The following PGA4 variants were observed in gnomAD, a reference collection of about 807,000 sequenced individuals.
PGA4 encodes pepsinogen A4.
For synonymous variants in PGA4, 4 were observed against 8.7 expected (o/e 0.46, Z 0.95); for missense variants, 7 against 20.3 (o/e 0.35, Z 1.26).
intron 6 of PGA4, 110 bp from the exon 7 acceptor site, chr11:61,229,807 GCA>G: frequency 8.8e-5 from 1 of 11,322 alleles, no homozygotes; most frequent in South Asian, 9.8e-4. Context: ...GAAATTTCAC[GCA>G]TTGGCCAATG....
At chr11:61,230,959 T>G (rs1245110536) in intron 8 of PGA4, 1 of 171,264 alleles carries the variant, frequency 5.8e-6, no homozygotes, top group Middle Eastern at 2.3e-3. Context: ...GCTCCCCAGG[T>G]GATGTGCAGA....
intron 8 of PGA4, 154 bp downstream of exon 8, chr11:61,230,418 A>G: frequency 3.6e-6 from 1 of 278,302 alleles, no homozygotes; most frequent in Non-Finnish European, 5.7e-6. Context: ...GAAAAAGAAT[A>G]TATTAAAAAC....
At chr11:61,230,449 G>A (rs1854003422) in intron 8 of PGA4, 185 bp downstream of exon 8, 10 of 319,964 alleles carry the variant, frequency 3.1e-5, no homozygotes, top group South Asian at 2.4e-4. Flanking sequence ...ATAAGAACTC[G>A]GATACAGCCC....
In PGA4 at chr11:61,229,998, G is replaced by A. The variant is rs1286689228; in HGVS notation, c.853G>A (p.Gly285Ser). The change falls in exon 7 of 9, where the codon GGC becomes AGC. Residue 285 changes from glycine to serine, a missense_variant. Coordinates refer to ENST00000378149, the MANE Select transcript of PGA4 (RefSeq NM_001079808.6). ...TGACACCGGCACCTCTCTGCTGACC[G>A]GCCCAACCAGCCCCATTGCCAACAT... ...IVDTGTSLLT[G>S]PTSPIANIQS... 2 of 154,248 alleles carry A rather than the reference G, an allele frequency of 1.3e-5. No homozygotes were observed. Among genetic ancestry groups the A allele is most frequent in the Non-Finnish European group, 2.0e-5 (2 of 100,706 alleles). 9.6% of individuals were successfully genotyped at this position (154,248 alleles called of 1,614,324 possible).
intron 6 of PGA4, chr11:61,229,657 A>C: frequency 7.3e-4 from 1 of 1,378 alleles, no homozygotes; most frequent in Non-Finnish European, 1.3e-3. Context: ...CCAGCTAGGC[A>C]GGGAGCTCCC....
In PGA4 at chr11:61,230,045, C is replaced by T. The variant is rs1192168204; in HGVS notation, c.900C>T (p.Ser300=). 1.1e-5 allele frequency: 2 copies of T among 180,046 alleles called. 1 individual carries two copies. The highest frequency in any genetic ancestry group is 4.5e-4 in the East Asian group (2 of 4,398). The allele number at this position is 180,046 out of a possible 1,614,324, so 11.2% of individuals were successfully genotyped here. Residue 300 remains serine, a synonymous_variant, in exon 7 of 9, where the codon AGC becomes AGT. Transcript: ENST00000378149. The part of the protein sequence containing the change: ...IANIQSDIGA[S]ENSDGDMVVS... ...ACATCCAGAGCGACATCGGAGCCAG[C>T]GAGAACTCAGATGGCGACGTGAGTC...
Position 61,231,507 on chromosome 11 carries a change from G to A in PGA4, c.1143G>A (p.Gln381=), listed in dbSNP as rs201835762. The A allele has an allele frequency of 5.0e-6, 2 of 396,088 alleles. No homozygotes were observed. The highest frequency in any genetic ancestry group is 4.9e-5 in the Admixed American group (1 of 20,416). 24.5% of individuals were successfully genotyped at this position (396,088 alleles called of 1,614,324 possible). ...CCGTCTTCGACAGGGCAAACAACCA[G>A]GTCGGCCTGGCCCCCGTGGCTTAAG... The part of the protein sequence containing the change: ...YFTVFDRANN[Q]VGLAPVA Residue 381 remains glutamine, a synonymous_variant, in exon 9 of 9, where the codon CAG becomes CAA. Coordinates refer to ENST00000378149, the MANE Select transcript of PGA4 (RefSeq NM_001079808.6).
rs1854000614 is a variant in PGA4, at chr11:61,230,199, C to T, written c.952C>T (p.Pro318Ser). 1 of 395,526 alleles carries T rather than the reference C, an allele frequency of 2.5e-6. No individual in the cohort carries two copies. Among genetic ancestry groups the T allele is most frequent in the Admixed American group, 5.3e-5 (1 of 18,756 alleles). 24.5% of individuals were successfully genotyped at this position (395,526 alleles called of 1,614,324 possible). The change falls in exon 8 of 9, where the codon CCC becomes TCC. Residue 318 changes from proline to serine, a missense_variant. Coordinates refer to ENST00000378149, the MANE Select transcript of PGA4 (RefSeq NM_001079808.6). ...CAGCTGCTCAGCCATCAGCAGCCTG[C>T]CCGACATCGTCTTCACCATCAATGG... ...VVSCSAISSLPDIVFTINGVQ... is the reference protein window; with the variant it reads ...VVSCSAISSLSDIVFTINGVQ...
intron 8 of PGA4, chr11:61,230,540 G>A: frequency 2.9e-6 from 1 of 340,354 alleles, no homozygotes; most frequent in Non-Finnish European, 5.4e-6. Context: ...TCCTGGGTCT[G>A]AATTACTAGC....
chr11:61,230,060 C>T lies in PGA4; in HGVS notation c.915C>T (p.Gly305=), dbSNP rs200873038. The change falls in exon 7 of 9, where the codon GGC becomes GGT. Residue 305 remains glycine (G), a synonymous_variant. Coordinates refer to ENST00000378149, the MANE Select transcript of PGA4 (RefSeq NM_001079808.6). ...SDIGASENSD[G]DMVVSCSAIS... ...TCGGAGCCAGCGAGAACTCAGATGG[C>T]GACGTGAGTCCAGCCCCGACTGCTC... 1.6e-5 allele frequency: 3 copies of T among 186,016 alleles called. No homozygotes were observed. Among genetic ancestry groups the T allele is most frequent in the East Asian group, 2.3e-4 (1 of 4,400 alleles). 11.5% of individuals were successfully genotyped at this position (186,016 alleles called of 1,614,324 possible). A position where few individuals can be genotyped will look rare whatever the true frequency, so the allele number is the denominator to read the frequency against.
At position 61,231,556 on chromosome 11, in the gene PGA4, C is replaced by CA; in HGVS notation, c.*26dup. The stretch of plus-strand genomic sequence containing the variant: ...AGCCTAAGTCTCTTCAGCCACCTCC[C>CA]AGGAAGATCTGGCCTCTGTCCTGTG... On this transcript the variant is annotated 3_prime_UTR_variant, in exon 9 of 9. Transcript: ENST00000378149. The CA allele has an allele frequency of 5.3e-6, 1 of 189,132 alleles. No individual in the cohort carries two copies. The highest frequency in any genetic ancestry group is 1.0e-5 in the Non-Finnish European group (1 of 95,578). The allele number at this position is 189,132 out of a possible 1,614,324, so 11.7% of individuals were successfully genotyped here.
In PGA4 at chr11:61,230,618, A is replaced by C. The variant is rs1334441697; in HGVS notation, c.1017+354A>C. ...TTCTCATCCAAAAAGTAGAGATGGC[A>C]GCTTTCCCCACCCTCAGAGTGCGGT... On this transcript the variant is annotated intron_variant, in intron 8 of 8. Transcript: ENST00000378149. The C allele has an allele frequency of 2.1e-4, 62 of 294,494 alleles. 15 individuals are homozygous for C. Among genetic ancestry groups the C allele is most frequent in the Non-Finnish European group, 5.1e-5 (8 of 156,924 alleles). The allele number at this position is 294,494 out of a possible 1,614,324, so 18.2% of individuals were successfully genotyped here. A position where few individuals can be genotyped will look rare whatever the true frequency, so the allele number is the denominator to read the frequency against.
chr11:61,230,036 C>T lies in PGA4; in HGVS notation c.891C>T (p.Ile297=), dbSNP rs1202501118. 7.4e-5 allele frequency: 13 copies of T among 175,732 alleles called. No individual in the cohort carries two copies. The highest frequency in any genetic ancestry group is 4.9e-4 in the South Asian group (8 of 16,238). The allele number at this position is 175,732 out of a possible 1,614,324, so 10.9% of individuals were successfully genotyped here. ...CCATTGCCAACATCCAGAGCGACAT[C>T]GGAGCCAGCGAGAACTCAGATGGCG... is the stretch of plus-strand genomic sequence containing the variant. ...TSPIANIQSD[I]GASENSDGDM... The change falls in exon 7 of 9, where the codon ATC becomes ATT. Residue 297 remains isoleucine, a synonymous_variant. Coordinates refer to ENST00000378149, the MANE Select transcript of PGA4 (RefSeq NM_001079808.6).
At chr11:61,230,696 T>TG (rs1854005302) in intron 8 of PGA4, 1 of 249,564 alleles carries the variant, frequency 4.0e-6, no homozygotes, top group Admixed American at 4.4e-5. Flanking sequence ...GTTGGGCAAA[T>TG]GGAAATCCTA....
chr11:61,230,124 G>A lies in PGA4; in HGVS notation c.919-42G>A, dbSNP rs778426589. The A allele has an allele frequency of 7.5e-5, 21 of 281,816 alleles. No individual in the cohort carries two copies. In the African/African-American group the frequency reaches 2.4e-3, roughly 32 times the overall value. 17.5% of individuals were successfully genotyped at this position (281,816 alleles called of 1,614,324 possible). On this transcript the variant is annotated intron_variant, in intron 7 of 8. Coordinates refer to ENST00000378149, the MANE Select transcript of PGA4 (RefSeq NM_001079808.6). ...AGTAGTGGGTGTGCCAGGCAGAAGG[G>A]ACAGAAACCCTTCTAACTTTTCTCA...
Position 61,230,366 on chromosome 11 carries a change from C to T in PGA4, c.1017+102C>T, listed in dbSNP as rs56846238. ...GTACACTTCCACGAGCTGAAGCCAG[C>T]AGGCAGAGGCAGACGAACATCTGCC... On this transcript the variant is annotated intron_variant, in intron 8 of 8. Transcript: ENST00000378149. The T allele has an allele frequency of 9.9e-6, 5 of 503,740 alleles. 2 individuals carry two copies. The African/African-American group carries it at 2.1e-4, about 21-fold the overall frequency. 31.2% of individuals were successfully genotyped at this position (503,740 alleles called of 1,614,324 possible). A position where few individuals can be genotyped will look rare whatever the true frequency, so the allele number is the denominator to read the frequency against.
intron 8 of PGA4, chr11:61,230,751 A>G (rs1854005567): frequency 4.3e-6 from 1 of 230,218 alleles, no homozygotes; most frequent in African/African-American, 5.0e-5. Context: ...ATCTCTACCA[A>G]GTAGCAAATC....
At chr11:61,230,642 G>T (rs1416831309) in intron 8 of PGA4, 1 of 277,770 alleles carries the variant, frequency 3.6e-6, no homozygotes, top group Non-Finnish European at 6.8e-6. Flanking sequence ...TCAGAGTGCG[G>T]TTAGGTCAAC....
Sources: gnomAD v4.1 joint callset for allele counts on GRCh38, gnomAD v4.1.1 for gene constraint, MANE v1.5 for transcripts, NCBI Gene and HGNC (gene_info 2026-07-23, HGNC 2026-07-21) for gene names.